The following WSB2 variants were observed in gnomAD, a reference collection of about 807,000 sequenced individuals.
WSB2 encodes WD repeat and SOCS box containing 2, also known as WD repeat and SOCS box-containing protein 2.
In WSB2, 12 loss-of-function variants were observed where a neutral mutation model predicts 48.8. That is an observed-to-expected ratio of 0.25 (90% CI 0.16 to 0.40). The LOEUF is 0.40. Ranked by LOEUF, WSB2 falls within the 10% of genes least tolerant of loss-of-function variation. The probability of loss-of-function intolerance (pLI) is 1.00; values close to 1 mark genes in which losing one functional copy is unlikely to be tolerated. For synonymous variants in WSB2, 191 were observed against 203.1 expected (o/e 0.94, Z 0.51); for missense variants, 317 against 506.2 (o/e 0.63, Z 3.59).
At chr12:118,055,911 G>GTT (rs11308776) in intron 1 of WSB2, among the ~76,000 whole-genome samples, 3 of 145,056 alleles carry the variant, frequency 2.1e-5, no homozygotes, top group Admixed American at 6.9e-5. Flanking sequence ...CACCACGTCT[G>GTT]TTTTTTTTTT....
chr12:118,039,492 C>T (rs934430733), intron 4 of WSB2, among the ~76,000 whole-genome samples: 22 of 152,120 alleles, frequency 1.4e-4, no homozygotes, highest in Admixed American at 1.1e-3. Context: ...TGAATGCAAA[C>T]GTGTGTGCAC....
chr12:118,038,430 AAGC>A, intron 4 of WSB2, 42 bp from the exon 5 acceptor site: 1 of 1,584,234 alleles, frequency 6.3e-7, no homozygotes, highest in Non-Finnish European at 8.7e-7. Flanking sequence ...GTCCTCAACA[AAGC>A]AGGAAGACTG....
At position 118,061,098 on chromosome 12, in the gene WSB2, G is replaced by T; in HGVS notation, c.-50C>A. The stretch of plus-strand genomic sequence containing the variant: ...CAGGCGGCGGGCGCCTCAGCCCCCC[G>T]GGCCGCGGGCCCTCATGCCGCCCCC... On this transcript the variant is annotated 5_prime_UTR_variant, in exon 1 of 9. Transcript: ENST00000315436. The T allele has an allele frequency of 2.0e-6, 2 of 980,740 alleles. No homozygotes were observed. Among genetic ancestry groups the T allele is most frequent in the South Asian group, 4.5e-5 (1 of 22,020 alleles). The allele number at this position is 980,740 out of a possible 1,614,324, so 60.8% of individuals were successfully genotyped here.
upstream of WSB2, among the ~76,000 whole-genome samples, chr12:118,061,489 C>T (rs2032065798): frequency 6.7e-6 from 1 of 149,220 alleles, no homozygotes; most frequent in Non-Finnish European, 1.5e-5. Flanking sequence ...CGGATAAAAA[C>T]GGGGAAGGGA....
rs1323994715 is a variant in WSB2 at position 118,032,881 on chromosome 12, G to GA, written c.*1314dup. 4 of 151,478 alleles carry GA rather than the reference G, an allele frequency of 2.6e-5. No individual in the cohort carries two copies. Among genetic ancestry groups the GA allele is most frequent in the Admixed American group, 2.0e-4 (3 of 15,232 alleles). 9.4% of individuals were successfully genotyped at this position (151,478 alleles called of 1,614,324 possible). ...AAGGGGACTTTTTTTTTTCTTAATG[G>GA]AAAAAAATGAAACAGAGAGCCAAAA... On this transcript the variant is annotated 3_prime_UTR_variant, in exon 9 of 9. Transcript: ENST00000315436.
intron 4 of WSB2, 78 bp from the exon 5 acceptor site, chr12:118,038,466 T>A: frequency 7.2e-7 from 1 of 1,384,720 alleles, no homozygotes; most frequent in Non-Finnish European, 1.0e-6. Flanking sequence ...ACTGGGGTGG[T>A]AACAGCCCCC....
At chr12:118,058,878 T>A (rs1664821591) in intron 1 of WSB2, among the ~76,000 whole-genome samples, 1 of 151,996 alleles carries the variant, frequency 6.6e-6, no homozygotes, top group Non-Finnish European at 1.5e-5. Context: ...GTATTTTTAG[T>A]AGAGACGGAG....
chr12:118,040,500 C>T (rs1196514691), intron 4 of WSB2, among the ~76,000 whole-genome samples: 1 of 152,106 alleles, frequency 6.6e-6, no homozygotes, highest in Non-Finnish European at 1.5e-5. Context: ...GTACCTCATA[C>T]CTGTAATCCC....
chr12:118,039,433 T>A (rs2031581769), intron 4 of WSB2, among the ~76,000 whole-genome samples: 1 of 152,146 alleles, frequency 6.6e-6, no homozygotes, highest in Non-Finnish European at 1.5e-5. Flanking sequence ...CAGGGAAAAA[T>A]CGTGAAGATG....
intron 1 of WSB2, among the ~76,000 whole-genome samples, chr12:118,054,949 T>C (rs2137797109): frequency 6.8e-6 from 1 of 148,004 alleles, no homozygotes; most frequent in East Asian, 2.0e-4. Context: ...TAGGCCGAGA[T>C]GGGATGATAG....
chr12:118,037,560 C>G (rs907656220), intron 5 of WSB2, among the ~76,000 whole-genome samples: 1 of 150,940 alleles, frequency 6.6e-6, no homozygotes, highest in African/African-American at 2.4e-5. Flanking sequence ...CCCAGCTACT[C>G]GGGAGGCTGA....
upstream of WSB2, chr12:118,062,060 G>C: frequency 6.5e-7 from 1 of 1,529,960 alleles, no homozygotes; most frequent in South Asian, 1.2e-5. Context: ...TAAAAAACGG[G>C]GCAGGAGCGA....
At chr12:118,035,396 CAGGA>C in intron 6 of WSB2, 72 bp from the exon 7 acceptor site, 2 of 1,417,540 alleles carry the variant, frequency 1.4e-6, no homozygotes, top group Non-Finnish European at 2.0e-6. Flanking sequence ...TCACCCTAGG[CAGGA>C]AGCCAAACTG....
chr12:118,047,349 C>T (rs534824367), intron 2 of WSB2, among the ~76,000 whole-genome samples: 26 of 152,060 alleles, frequency 1.7e-4, no homozygotes, highest in African/African-American at 5.8e-4. Flanking sequence ...GAGGTCGTAC[C>T]GTGGGAAAGA....
intron 2 of WSB2, among the ~76,000 whole-genome samples, chr12:118,047,386 G>A (rs2031766289): frequency 6.6e-6 from 1 of 152,080 alleles, no homozygotes; most frequent in Non-Finnish European, 1.5e-5. Context: ...AGATTCATTG[G>A]CAGAATTTAG....
rs957073204 is a variant in WSB2, at chr12:118,060,006, A to T, written c.13+1030T>A. On this transcript the variant is annotated intron_variant, in intron 1 of 8. Transcript: ENST00000315436. This position sits in a 1 kb window ranked among gnomAD's most constrained non-coding sequence, Gnocchi z 4.1. ...GAAGCTTGAACTTGGCTGCAAGATT[A>T]CCATGAAGTTCTGGAACAAATTCTG... Among the ~76,000 whole-genome samples, 11 of 152,258 alleles carry T rather than the reference A, an allele frequency of 7.2e-5. No homozygotes were observed. The highest frequency in any genetic ancestry group is 2.4e-4 in the African/African-American group (10 of 41,470).
upstream of WSB2, chr12:118,062,164 G>A: frequency 6.5e-7 from 1 of 1,535,378 alleles, no homozygotes; most frequent in South Asian, 1.2e-5. Flanking sequence ...TACCCGCATA[G>A]CCTCAAGAAA....
rs117882038 is a variant in WSB2, at chr12:118,035,062, T to A, written c.976A>T (p.Thr326Ser). The A allele has an allele frequency of 7.6e-3, 12,249 of 1,613,524 alleles. 63 individuals carry two copies. Among genetic ancestry groups the A allele is most frequent in the Non-Finnish European group, 9.6e-3 (11,282 of 1,179,874 alleles). ...LLRIWALELK[T>S]PIAFAPMTNG... ...GTCATAGGAGCAAATGCAATGGGAG[T>A]TTTCAGTTCCAGGGCCCAGATCCTG... The change falls in exon 8 of 9, where the codon ACT becomes TCT. Residue 326 changes from threonine (T) to serine (S), a missense_variant. Thr to Ser is a moderately conservative substitution (Grantham distance 58, BLOSUM62 1). Coordinates refer to ENST00000315436, the MANE Select transcript of WSB2 (RefSeq NM_018639.5).
rs1286283769 is a variant in WSB2, at chr12:118,033,792, AG to A, written c.*403del. The A allele has an allele frequency of 4.4e-6, 1 of 224,794 alleles. No individual in the cohort carries two copies. Among genetic ancestry groups the A allele is most frequent in the African/African-American group, 2.3e-5 (1 of 43,610 alleles). 13.9% of individuals were successfully genotyped at this position (224,794 alleles called of 1,614,324 possible). On this transcript the variant is annotated 3_prime_UTR_variant, in exon 9 of 9. Transcript: ENST00000315436. The stretch of plus-strand genomic sequence containing the variant: ...CATCAGAAACACAAGGATAGGTACT[AG>A]GCAGAAGCCATCGTTCCCAGCGGAG...
Sources: allele counts gnomAD v4.1 joint callset (sites outside exome capture counted in the v4.1 genomes callset), GRCh38; gene constraint gnomAD v4.1.1; non-coding constraint Gnocchi (gnomAD v3.1); transcripts MANE v1.5; gene names NCBI Gene and HGNC (gene_info 2026-07-23, HGNC 2026-07-21).